ACYP2: variants seen among roughly 807,000 people sequenced by gnomAD.
ACYP2 encodes acylphosphatase-2.
A neutral mutation model predicts 11.2 loss-of-function variants in ACYP2; 12 were observed. The ratio of observed to expected loss-of-function variants is 1.08; its 90% confidence interval spans 0.69 to 1.74. The LOEUF (loss-of-function observed/expected upper bound fraction) is 1.74, where lower values mean the gene tolerates loss of function less well. Among genes scored for constraint, ACYP2 ranks in the 40% most tolerant of loss-of-function variants. ACYP2 has a pLI of 0.00. For synonymous variants in ACYP2, 43 were observed against 32.2 expected (o/e 1.33, Z -1.13); for missense variants, 134 against 101.9 (o/e 1.31, Z -1.35).
At chr2:54,126,244 G>T (rs1002706381) in intron 4 of ACYP2, among the ~76,000 whole-genome samples, 1 of 152,180 alleles carries the variant, frequency 6.6e-6, no homozygotes, top group Non-Finnish European at 1.5e-5. Flanking sequence ...TCACATAGGT[G>T]TAACAGTTAC....
At chr2:54,083,341 ATTATCT>A (rs1360076965) in intron 4 of ACYP2, among the ~76,000 whole-genome samples, 1 of 152,174 alleles carries the variant, frequency 6.6e-6, no homozygotes, top group Non-Finnish European at 1.5e-5. Flanking sequence ...AAGCTGACAC[ATTATCT>A]TTATTTCCCA....
At chr2:54,088,296 C>G (rs1258696900) in intron 4 of ACYP2, among the ~76,000 whole-genome samples, 2 of 152,170 alleles carry the variant, frequency 1.3e-5, no homozygotes, top group Non-Finnish European at 2.9e-5. Flanking sequence ...TTCAACAGGA[C>G]TACTTAGAGG....
intron 4 of ACYP2, among the ~76,000 whole-genome samples, chr2:54,096,384 G>A (rs1448881442): frequency 6.6e-6 from 1 of 150,416 alleles, no homozygotes. Flanking sequence ...TCACGTCCCA[G>A]ACGATGGATG....
intron 6 of ACYP2, among the ~76,000 whole-genome samples, chr2:54,207,173 ATGTGTGTGTG>A (rs58920943): frequency 1.2e-4 from 16 of 138,720 alleles, no homozygotes; most frequent in Admixed American, 8.1e-4. Context: ...CAACATGTAT[ATGTGTGTGTG>A]TGTGTGTGTG....
chr2:53,992,715 G>A (rs1035462029), intron 2 of ACYP2, among the ~76,000 whole-genome samples: 4 of 151,268 alleles, frequency 2.6e-5, no homozygotes, highest in African/African-American at 7.3e-5. Flanking sequence ...CCTGTAGTCC[G>A]AGCTACTTGG....
At chr2:54,244,875 AT>A (rs1183672332) in intron 6 of ACYP2, among the ~76,000 whole-genome samples, 2 of 152,140 alleles carry the variant, frequency 1.3e-5, no homozygotes, top group Non-Finnish European at 2.9e-5. Flanking sequence ...AACATTTATA[AT>A]TTCTTTGTAT....
chr2:54,208,188 C>A (rs1167291791), intron 6 of ACYP2, among the ~76,000 whole-genome samples: 1 of 150,892 alleles, frequency 6.6e-6, no homozygotes, highest in Non-Finnish European at 1.5e-5. Context: ...TAATTCAGTT[C>A]ACACTAAAAA....
intron 2 of ACYP2, among the ~76,000 whole-genome samples, chr2:53,977,346 G>C (rs1036206385): frequency 6.6e-6 from 1 of 152,032 alleles, no homozygotes; most frequent in African/African-American, 2.4e-5. Flanking sequence ...CGCCTGGCCA[G>C]GCCTGGGAAT....
At chr2:54,256,957 G>A (rs1466237688) in intron 6 of ACYP2, among the ~76,000 whole-genome samples, 2 of 152,166 alleles carry the variant, frequency 1.3e-5, no homozygotes, top group Admixed American at 6.5e-5. Flanking sequence ...ATGAGCAACC[G>A]TACCTGGCCT....
At chr2:54,288,772 C>T (rs1175209224) in intron 6 of ACYP2, among the ~76,000 whole-genome samples, 1 of 151,880 alleles carries the variant, frequency 6.6e-6, no homozygotes, top group Non-Finnish European at 1.5e-5. Context: ...TTTTTTCTTT[C>T]TGTGATGTAC....
chr2:54,190,489 T>G (rs929123417), intron 6 of ACYP2, among the ~76,000 whole-genome samples: 7 of 152,094 alleles, frequency 4.6e-5, no homozygotes, highest in African/African-American at 1.7e-4. Context: ...TTAAGTCCAG[T>G]GGCCAATTAT....
intron 6 of ACYP2, among the ~76,000 whole-genome samples, chr2:54,280,492 A>C (rs1336396627): frequency 1.3e-5 from 2 of 152,146 alleles, no homozygotes; most frequent in Non-Finnish European, 2.9e-5. Context: ...TCAGAGAGTA[A>C]ATCAAGATTA....
In ACYP2 at chr2:54,284,196, A is replaced by G. The variant is rs372682494; in HGVS notation, c.405-20492A>G. ...ATTAAAAGCCAAAGCCAGACTCATA[A>G]AAAGCATCCACATGCTTGTAGGCCA... On this transcript the variant is annotated intron_variant, in intron 6 of 6. Coordinates refer to ENST00000607452, the MANE Select transcript of ACYP2 (RefSeq NM_001320586.2). Among the ~76,000 whole-genome samples the G allele has an allele frequency of 2.1e-4, 32 of 151,990 alleles. No individual in the cohort carries two copies. The South Asian group carries it at 2.7e-3, about 13-fold the overall frequency.
chr2:53,993,700 T>TG (rs959962739), intron 2 of ACYP2, among the ~76,000 whole-genome samples: 3 of 144,556 alleles, frequency 2.1e-5, no homozygotes, highest in African/African-American at 7.7e-5. Flanking sequence ...AAAAAAAGGA[T>TG]GAAAAAAAAA....
At chr2:54,245,393 T>TA (rs1200500621) in intron 6 of ACYP2, among the ~76,000 whole-genome samples, 3 of 152,228 alleles carry the variant, frequency 2.0e-5, no homozygotes, top group Non-Finnish European at 4.4e-5. Flanking sequence ...TTTGGATAAA[T>TA]GCTGAGTAGT....
chr2:54,006,576 G>T (rs753726756), intron 2 of ACYP2, among the ~76,000 whole-genome samples: 1 of 152,108 alleles, frequency 6.6e-6, no homozygotes, highest in Non-Finnish European at 1.5e-5. Flanking sequence ...AGTGTGAGCC[G>T]CTGTGCCCAG....
At chr2:54,304,602 C>A in intron 6 of ACYP2, 86 bp from the exon 4 acceptor site, 1 of 828,458 alleles carries the variant, frequency 1.2e-6, no homozygotes, top group East Asian at 2.6e-5. Flanking sequence ...AAGGTAAACT[C>A]CCATTAATAC....
intron 6 of ACYP2, among the ~76,000 whole-genome samples, chr2:54,160,499 A>G (rs1325978602): frequency 6.6e-6 from 1 of 152,190 alleles, no homozygotes; most frequent in East Asian, 1.9e-4. Context: ...AAGCTCCTTA[A>G]AGGCAGGGAT....
chr2:54,253,102 A>C (rs955940342), intron 6 of ACYP2: 1 of 152,222 alleles, frequency 6.6e-6, no homozygotes, highest in Admixed American at 6.5e-5. Flanking sequence ...AATCCCAGCT[A>C]CTGAGGAGGC....
Sources: gnomAD v4.1 joint callset for allele counts (sites outside exome capture counted in the v4.1 genomes callset) on GRCh38, gnomAD v4.1.1 for gene constraint, MANE v1.5 for transcripts, NCBI Gene and HGNC (gene_info 2026-07-23, HGNC 2026-07-21) for gene names.